CNTN4: variants seen among roughly 807,000 people sequenced by gnomAD.
The protein encoded by CNTN4 is contactin 4, also known as contactin-4.
A neutral mutation model predicts 122.5 loss-of-function variants in CNTN4; 77 were observed. That is an observed-to-expected ratio of 0.63 (90% confidence interval 0.52 to 0.76). The LOEUF is 0.76. CNTN4 is among the 30% of genes least tolerant of loss of function. The probability of loss-of-function intolerance (pLI) is 0.00; values close to 1 mark genes in which losing one functional copy is unlikely to be tolerated. For missense variants in CNTN4, 1,256 were observed against 1,259.1 expected (o/e 1.00, Z 0.04); for synonymous variants, 512 against 447.0 (o/e 1.15, Z -1.83).
intron 3 of CNTN4, among the ~76,000 whole-genome samples, chr3:2,355,208 C>T (rs556893007): frequency 4.3e-4 from 65 of 152,204 alleles, no homozygotes; most frequent in Non-Finnish European, 7.9e-4. Context: ...GAATTTTGTT[C>T]GTGTTTAAGG....
chr3:2,752,421 A>G (rs970397087), intron 6 of CNTN4, among the ~76,000 whole-genome samples: 5 of 152,204 alleles, frequency 3.3e-5, no homozygotes, highest in African/African-American at 1.2e-4. Flanking sequence ...GCTGCAGTGC[A>G]GTGGCACGAT....
chr3:2,225,447 A>G (rs957806206), intron 2 of CNTN4, among the ~76,000 whole-genome samples: 2 of 151,852 alleles, frequency 1.3e-5, no homozygotes, highest in Non-Finnish European at 2.9e-5. Flanking sequence ...CGGGTGGCAG[A>G]GCTTGCAGTG....
chr3:2,635,971 C>T (rs915555924), intron 4 of CNTN4, among the ~76,000 whole-genome samples: 1 of 152,164 alleles, frequency 6.6e-6, no homozygotes, highest in Non-Finnish European at 1.5e-5. Flanking sequence ...CTCTTCCTTA[C>T]TCCTCCCTAA....
intron 2 of CNTN4, among the ~76,000 whole-genome samples, chr3:2,217,186 T>C (rs1010122387): frequency 6.6e-6 from 1 of 152,166 alleles, no homozygotes; most frequent in African/African-American, 2.4e-5. Context: ...TTCTGTGACA[T>C]GAGTCTTCCT....
At chr3:2,990,216 A>G (rs1694934248) in intron 14 of CNTN4, among the ~76,000 whole-genome samples, 1 of 152,244 alleles carries the variant, frequency 6.6e-6, no homozygotes, top group Non-Finnish European at 1.5e-5. Flanking sequence ...GTGGTAATCC[A>G]TGCTAAGCGA....
At chr3:2,999,032 T>G (rs922437116) in intron 14 of CNTN4, 1 of 152,216 alleles carries the variant, frequency 6.6e-6, no homozygotes, top group Non-Finnish European at 1.5e-5. Context: ...TAAATATTTT[T>G]TATATTTTCT....
At chr3:2,645,649 T>C (rs1307903980) in intron 4 of CNTN4, among the ~76,000 whole-genome samples, 1 of 152,190 alleles carries the variant, frequency 6.6e-6, no homozygotes, top group African/African-American at 2.4e-5. Context: ...CATTTAAAAA[T>C]TGGTCCCCAG....
chr3:2,702,602 G>A (rs1005052736), intron 4 of CNTN4, among the ~76,000 whole-genome samples: 1 of 152,184 alleles, frequency 6.6e-6, no homozygotes, highest in African/African-American at 2.4e-5. Flanking sequence ...AGGTGTGAGG[G>A]TTAGGATAGC....
In CNTN4 at chr3:2,180,312, C is replaced by T. The variant is rs143033889; in HGVS notation, c.-145+79673C>T. On this transcript the variant is annotated intron_variant, in intron 2 of 24. Transcript: ENST00000418658. Reference sequence around the variant, plus strand: ...GTATATTTACATTTATTATCAAATTCATTCTTCACAATAGTCTAGAAGGGT... The same window carrying T: ...GTATATTTACATTTATTATCAAATTTATTCTTCACAATAGTCTAGAAGGGT... Among the ~76,000 whole-genome samples the T allele has an allele frequency of 6.0e-3, 913 of 152,086 alleles. 7 individuals are homozygous for T. The highest frequency in any genetic ancestry group is 0.032 in the South Asian group (153 of 4,816).
At chr3:2,166,573 T>G (rs2036204172) in intron 2 of CNTN4, among the ~76,000 whole-genome samples, 1 of 152,146 alleles carries the variant, frequency 6.6e-6, no homozygotes, top group South Asian at 2.1e-4. Flanking sequence ...GAAATATTAA[T>G]GAAATGGTTA....
intron 5 of CNTN4, among the ~76,000 whole-genome samples, chr3:2,744,677 T>G (rs536382025): frequency 6.6e-6 from 1 of 152,290 alleles, no homozygotes; most frequent in Non-Finnish European, 1.5e-5. Context: ...GAAAGGAGAT[T>G]TGGTCAAGAG....
chr3:2,735,110 C>G (rs923789384), intron 4 of CNTN4, among the ~76,000 whole-genome samples: 2 of 152,082 alleles, frequency 1.3e-5, no homozygotes, highest in Admixed American at 1.3e-4. Flanking sequence ...AGCTTATAAT[C>G]CAAACAAGGG....
intron 6 of CNTN4, among the ~76,000 whole-genome samples, chr3:2,804,452 A>C (rs11916957): frequency 0.077 from 11,695 of 152,222 alleles, 1,529 homozygotes; most frequent in African/African-American, 0.27. Context: ...TATCTATAAA[A>C]AGGAATATAA....
chr3:2,416,741 C>A (rs1337466083), intron 3 of CNTN4, among the ~76,000 whole-genome samples: 1 of 151,992 alleles, frequency 6.6e-6, no homozygotes, highest in Non-Finnish European at 1.5e-5. Flanking sequence ...GCAAGCTCTG[C>A]CTCTCGGGTT....
intron 4 of CNTN4, among the ~76,000 whole-genome samples, chr3:2,729,450 A>C (rs1055094216): frequency 6.8e-6 from 1 of 147,142 alleles, no homozygotes; most frequent in East Asian, 2.1e-4. Context: ...GAGGCTAAGC[A>C]GGAGAATCGC....
In CNTN4 at chr3:2,535,193, A is replaced by G. The variant is rs189319343; in HGVS notation, c.-88-36223A>G. 1.2e-3 allele frequency among the ~76,000 whole-genome samples: 179 copies of G among 152,262 alleles called. 2 individuals are homozygous for G. The highest frequency in any genetic ancestry group is 1.9e-3 in the Non-Finnish European group (127 of 68,020). On this transcript the variant is annotated intron_variant, in intron 3 of 24. Transcript: ENST00000418658. ...TGCCTTTCAACCTTGTACTTCAACAAAAATAGAGCAAGTTTATTGGTAGTC... is the reference window on the plus strand; with the variant it reads ...TGCCTTTCAACCTTGTACTTCAACAGAAATAGAGCAAGTTTATTGGTAGTC...
intron 3 of CNTN4, among the ~76,000 whole-genome samples, chr3:2,380,442 A>G (rs1433905151): frequency 2.9e-5 from 4 of 136,782 alleles, no homozygotes; most frequent in Non-Finnish European, 6.6e-5. Flanking sequence ...TGTCTATTTT[A>G]CCTTTATATA....
chr3:2,320,067 G>T (rs2043229752), intron 2 of CNTN4, among the ~76,000 whole-genome samples: 2 of 152,156 alleles, frequency 1.3e-5, no homozygotes, highest in Non-Finnish European at 2.9e-5. Flanking sequence ...AAGTGCCTTA[G>T]CAAAGAGAAT....
intron 2 of CNTN4, among the ~76,000 whole-genome samples, chr3:2,186,950 T>A (rs1031077329): frequency 4.6e-5 from 7 of 152,332 alleles, no homozygotes; most frequent in East Asian, 3.9e-4. Flanking sequence ...ATTTGTCAAT[T>A]TTGGCTTTTG....
Sources: gnomAD v4.1 joint callset for allele counts (sites outside exome capture counted in the v4.1 genomes callset) on GRCh38, gnomAD v4.1.1 for gene constraint, MANE v1.5 for transcripts, NCBI Gene and HGNC (gene_info 2026-07-23, HGNC 2026-07-21) for gene names.